ATP8B4: variants seen among roughly 807,000 people sequenced by gnomAD.
The protein encoded by ATP8B4 is ATPase phospholipid transporting 8B4 (putative).
In ATP8B4, 133 loss-of-function variants were observed where a neutral mutation model predicts 145.6. That is an observed-to-expected ratio of 0.91 (90% CI 0.79 to 1.05). The LOEUF is 1.05. Among genes scored for constraint, ATP8B4 ranks in the 50% least tolerant of loss-of-function variants. ATP8B4 has a pLI of 0.00. For missense variants in ATP8B4, 1,458 were observed against 1,425.2 expected (o/e 1.02, Z -0.37); for synonymous variants, 507 against 492.9 (o/e 1.03, Z -0.38).
At chr15:49,951,708 G>T (rs1599378737) in intron 14 of ATP8B4, among the ~76,000 whole-genome samples, 1 of 152,080 alleles carries the variant, frequency 6.6e-6, no homozygotes, top group Non-Finnish European at 1.5e-5. Flanking sequence ...GGTTAGTATT[G>T]TTATATGTGA....
chr15:49,979,896 C>T, intron 11 of ATP8B4, 83 bp from the exon 12 acceptor site: 1 of 948,494 alleles, frequency 1.1e-6, no homozygotes, highest in Non-Finnish European at 1.5e-6. Context: ...GCATCTAACT[C>T]CAAGAAATAG....
intron 11 of ATP8B4, 62 bp downstream of exon 11, chr15:49,981,144 A>G: frequency 7.4e-7 from 1 of 1,350,538 alleles, no homozygotes; most frequent in South Asian, 1.3e-5. Context: ...AATTCCCAGC[A>G]AGATTCAGTA....
At chr15:49,866,030 A>G (rs2032729251) in intron 26 of ATP8B4, among the ~76,000 whole-genome samples, 1 of 152,218 alleles carries the variant, frequency 6.6e-6, no homozygotes, top group Non-Finnish European at 1.5e-5. Flanking sequence ...TCTACCATAT[A>G]TGAGCATTTG....
At chr15:50,073,825 T>A (rs2153635677) in intron 3 of ATP8B4, among the ~76,000 whole-genome samples, 1 of 152,322 alleles carries the variant, frequency 6.6e-6, no homozygotes, top group East Asian at 1.9e-4. Context: ...CATTTTCATA[T>A]TATTCCTATG....
At chr15:50,070,408 A>G (rs2153631521) in intron 3 of ATP8B4, among the ~76,000 whole-genome samples, 1 of 152,318 alleles carries the variant, frequency 6.6e-6, no homozygotes, top group South Asian at 2.1e-4. Context: ...ACTCCTTACA[A>G]TAACTGTATT....
rs2034386161 is a variant in ATP8B4 at position 49,876,172 on chromosome 15, T to C, written c.3027+106A>G. The stretch of plus-strand genomic sequence containing the variant: ...TGTACTTAAAAGGACAGCCCCAGTA[T>C]TCCTTTAGGATTATTTCCCCCCAAC... On this transcript the variant is annotated intron_variant, in intron 25 of 27. Coordinates refer to ENST00000284509, the MANE Select transcript of ATP8B4 (RefSeq NM_024837.4). 8 of 1,426,586 alleles carry C rather than the reference T, an allele frequency of 5.6e-6. No homozygotes were observed. In the East Asian group the frequency reaches 1.8e-4, roughly 33 times the overall value. The allele number at this position is 1,426,586 out of a possible 1,614,324, so 88.4% of individuals were successfully genotyped here.
intron 2 of ATP8B4, among the ~76,000 whole-genome samples, chr15:50,076,546 A>G (rs1027336693): frequency 6.6e-6 from 1 of 152,160 alleles, no homozygotes; most frequent in Non-Finnish European, 1.5e-5. Flanking sequence ...TCTCCATGTA[A>G]CCACACTCCA....
In ATP8B4 at chr15:49,859,381, T is replaced by A. The variant is rs1440365661; in HGVS notation, c.*813A>T. 1.3e-5 allele frequency: 2 copies of A among 152,240 alleles called. No individual in the cohort carries two copies. Among genetic ancestry groups the A allele is most frequent in the Non-Finnish European group, 2.9e-5 (2 of 68,044 alleles). 9.4% of individuals were successfully genotyped at this position (152,240 alleles called of 1,614,324 possible). A position where few individuals can be genotyped will look rare whatever the true frequency, so the allele number is the denominator to read the frequency against. On this transcript the variant is annotated 3_prime_UTR_variant, in exon 28 of 28. Coordinates refer to ENST00000284509, the MANE Select transcript of ATP8B4 (RefSeq NM_024837.4). ...AAATTCCAGTGCTTTGCTGATTCTA[T>A]TAATGGTCTGGATGATGCTCAGCAA...
chr15:49,928,179 G>A (rs1329559658), intron 16 of ATP8B4, among the ~76,000 whole-genome samples: 1 of 152,168 alleles, frequency 6.6e-6, no homozygotes, highest in Non-Finnish European at 1.5e-5. Context: ...TAATGACTAG[G>A]ATAGTTGTGA....
chr15:49,936,922 T>C (rs1289267070), intron 14 of ATP8B4, among the ~76,000 whole-genome samples: 6 of 148,128 alleles, frequency 4.1e-5, no homozygotes, highest in African/African-American at 1.5e-4. Context: ...TTTGTCAAGA[T>C]TTTTTTTTTT....
intron 14 of ATP8B4, among the ~76,000 whole-genome samples, chr15:49,951,136 A>G (rs1452246643): frequency 2.0e-5 from 3 of 152,254 alleles, no homozygotes; most frequent in African/African-American, 4.8e-5. Context: ...CAATTTTAGA[A>G]TAAGTGCCAT....
chr15:50,002,632 G>T (rs2047986741), intron 7 of ATP8B4, among the ~76,000 whole-genome samples: 1 of 151,976 alleles, frequency 6.6e-6, no homozygotes, highest in Non-Finnish European at 1.5e-5. Flanking sequence ...CAAAGGAGAT[G>T]GGGAAAAGAC....
At chr15:49,950,337 G>A (rs541873254) in intron 14 of ATP8B4, among the ~76,000 whole-genome samples, 1 of 152,042 alleles carries the variant, frequency 6.6e-6, no homozygotes, top group South Asian at 2.1e-4. Context: ...CAATTTCAGA[G>A]CTTGTTATTG....
At chr15:50,024,837 A>G (rs569553957) in intron 6 of ATP8B4, among the ~76,000 whole-genome samples, 1 of 152,268 alleles carries the variant, frequency 6.6e-6, no homozygotes, top group East Asian at 1.9e-4. Flanking sequence ...ACACTGTCCC[A>G]TACATGTTAA....
At chr15:50,022,985 A>T (rs2049703468) in intron 6 of ATP8B4, among the ~76,000 whole-genome samples, 1 of 152,204 alleles carries the variant, frequency 6.6e-6, no homozygotes, top group Non-Finnish European at 1.5e-5. Flanking sequence ...TGCCTGGAGT[A>T]GACTCCATTT....
At position 50,017,961 on chromosome 15, in the gene ATP8B4, G is replaced by T. The variant is rs533092846; in HGVS notation, c.363-7044C>A. Among the ~76,000 whole-genome samples, 6 of 151,464 alleles carry T rather than the reference G, an allele frequency of 4.0e-5. No homozygotes were observed. In the East Asian group the frequency reaches 9.7e-4, roughly 25 times the overall value. On this transcript the variant is annotated intron_variant, in intron 6 of 27. Coordinates refer to ENST00000284509, the MANE Select transcript of ATP8B4 (RefSeq NM_024837.4). Reference sequence around the variant, plus strand: ...ATCATCCCTAGTTCCTCAAAAATGGGATAGCACATAAGTCGAATTCTTTTT... The same window carrying T: ...ATCATCCCTAGTTCCTCAAAAATGGTATAGCACATAAGTCGAATTCTTTTT...
At chr15:50,063,164 C>A (rs561191739) in intron 3 of ATP8B4, among the ~76,000 whole-genome samples, 1 of 151,748 alleles carries the variant, frequency 6.6e-6, no homozygotes, top group East Asian at 1.9e-4. Context: ...GGGCTGCCAG[C>A]AAAGACAGTT....
intron 1 of ATP8B4, among the ~76,000 whole-genome samples, chr15:50,157,518 A>G (rs1381971592): frequency 6.6e-6 from 1 of 152,174 alleles, no homozygotes; most frequent in African/African-American, 2.4e-5. Flanking sequence ...GATGAATTGT[A>G]CAGTGATTAA....
At chr15:49,972,841 G>T (rs776629445) in intron 12 of ATP8B4, 51 bp from the exon 13 acceptor site, 2 of 1,569,268 alleles carry the variant, frequency 1.3e-6, no homozygotes, top group Non-Finnish European at 8.7e-7. Flanking sequence ...ATTAATTTCA[G>T]AACATACAAT....
Sources: gnomAD v4.1 joint callset for allele counts (sites outside exome capture counted in the v4.1 genomes callset) on GRCh38, gnomAD v4.1.1 for gene constraint, MANE v1.5 for transcripts, NCBI Gene and HGNC (gene_info 2026-07-23, HGNC 2026-07-21) for gene names.